The following FMN1 variants were observed in gnomAD, a reference collection of about 807,000 sequenced individuals.
FMN1 encodes formin 1.
FMN1 carries 110 observed loss-of-function variants against 132.4 expected under a neutral mutation model. The ratio of observed to expected loss-of-function variants is 0.83; its 90% CI spans 0.71 to 0.97. The LOEUF is 0.97. Among genes scored for constraint, FMN1 ranks in the 50% least tolerant of loss-of-function variants. The probability of loss-of-function intolerance (pLI) is 0.00; values close to 1 mark genes in which losing one functional copy is unlikely to be tolerated. For synonymous variants in FMN1, 722 were observed against 651.7 expected (o/e 1.11, Z -1.64); for missense variants, 1,792 against 1,705.3 (o/e 1.05, Z -0.90).
chr15:32,804,437 C>CGGCG (rs2057592201), intron 17 of FMN1, 105 bp from the exon 18 acceptor site: 4 of 23,772 alleles, frequency 1.7e-4, no homozygotes, highest in Admixed American at 5.1e-4. Flanking sequence ...GGTCTGAATT[C>CGGCG]GGGGGGGGGG....
intron 17 of FMN1, among the ~76,000 whole-genome samples, chr15:32,808,375 C>G (rs1057021296): frequency 1.3e-5 from 2 of 152,230 alleles, no homozygotes; most frequent in African/African-American, 4.8e-5. Context: ...ATGATGATAC[C>G]TACCCTCCCA....
intron 10 of FMN1, among the ~76,000 whole-genome samples, chr15:32,922,940 G>T (rs906110039): frequency 6.6e-6 from 1 of 152,220 alleles, no homozygotes; most frequent in Admixed American, 6.5e-5. Context: ...AAAATGGCAG[G>T]TAGAGGCAAA....
At chr15:32,974,688 G>T (rs2032058198) in intron 7 of FMN1, among the ~76,000 whole-genome samples, 1 of 152,172 alleles carries the variant, frequency 6.6e-6, no homozygotes, top group African/African-American at 2.4e-5. Context: ...ATTCCAATGG[G>T]AGCCAGAGGT....
intron 17 of FMN1, among the ~76,000 whole-genome samples, chr15:32,841,276 T>G (rs567601424): frequency 2.0e-5 from 3 of 152,312 alleles, no homozygotes; most frequent in South Asian, 2.1e-4. Flanking sequence ...TCTCAGAGTA[T>G]ATGTAGTGTG....
intron 9 of FMN1, among the ~76,000 whole-genome samples, chr15:32,950,054 C>CATATATATATATACACACATAT (rs1567449834): frequency 1.6e-3 from 8 of 4,916 alleles, no homozygotes; most frequent in Non-Finnish European, 3.2e-3. Context: ...TATATATACA[C>CATATATATATATACACACATAT]ATATATATAT....
At chr15:33,066,744 T>G in intron 5 of FMN1, 1 of 1,613,960 alleles carries the variant, frequency 6.2e-7, no homozygotes, top group Non-Finnish European at 8.5e-7. Context: ...CCAGGGCCGC[T>G]CTGGCTCTCT....
At chr15:33,135,963 C>T (rs1466888036) in intron 4 of FMN1, among the ~76,000 whole-genome samples, 1 of 152,222 alleles carries the variant, frequency 6.6e-6, no homozygotes, top group East Asian at 1.9e-4. Context: ...GTTTTGCCTA[C>T]TGCTCTGTCT....
chr15:32,873,062 G>C (rs749707825), intron 16 of FMN1, among the ~76,000 whole-genome samples: 1 of 152,214 alleles, frequency 6.6e-6, no homozygotes, highest in South Asian at 2.1e-4. Flanking sequence ...CTGCTAATCA[G>C]TTTGCCACTG....
chr15:33,173,729 G>A (rs750129943), intron 3 of FMN1, among the ~76,000 whole-genome samples: 2 of 152,206 alleles, frequency 1.3e-5, no homozygotes, highest in African/African-American at 2.4e-5. Context: ...AGGAGTTCCA[G>A]ATCAGCCTGG....
At chr15:33,048,268 G>C (rs1408080943) in intron 6 of FMN1, among the ~76,000 whole-genome samples, 1 of 151,992 alleles carries the variant, frequency 6.6e-6, no homozygotes, top group African/African-American at 2.4e-5. Flanking sequence ...ATAAGGCCTG[G>C]GGACATGTGG....
chr15:32,911,274 G>A (rs1462895564), intron 10 of FMN1, among the ~76,000 whole-genome samples: 1 of 152,172 alleles, frequency 6.6e-6, no homozygotes, highest in South Asian at 2.1e-4. Context: ...TTTGGCTATC[G>A]AAGTGTTTGA....
intron 6 of FMN1, among the ~76,000 whole-genome samples, chr15:33,053,629 T>TCC: frequency 6.6e-6 from 1 of 152,058 alleles, no homozygotes; most frequent in Non-Finnish European, 1.5e-5. Context: ...CCCACAATAC[T>TCC]CCCCATCTCA....
chr15:32,895,765 GTTCA>G (rs1482011759), intron 15 of FMN1, among the ~76,000 whole-genome samples: 5 of 151,894 alleles, frequency 3.3e-5, no homozygotes, highest in Non-Finnish European at 7.4e-5. Flanking sequence ...TAATTCTCGA[GTTCA>G]TTGTCTATTA....
At chr15:32,853,718 AC>A (rs1202723981) in intron 17 of FMN1, among the ~76,000 whole-genome samples, 1 of 152,146 alleles carries the variant, frequency 6.6e-6, no homozygotes, top group Non-Finnish European at 1.5e-5. Context: ...TTAACCACAA[AC>A]CCTAAACCAT....
chr15:33,188,429 T>C (rs1406295247), intron 2 of FMN1, among the ~76,000 whole-genome samples: 1 of 152,208 alleles, frequency 6.6e-6, no homozygotes, highest in Non-Finnish European at 1.5e-5. Context: ...GTCCATGTCA[T>C]ACCTTTCTAT....
intron 4 of FMN1, among the ~76,000 whole-genome samples, chr15:33,111,969 A>T (rs576712180): frequency 1.3e-5 from 2 of 152,322 alleles, no homozygotes; most frequent in East Asian, 1.9e-4. Flanking sequence ...AGCTGTTTTT[A>T]AAAAGACTCA....
intron 5 of FMN1, among the ~76,000 whole-genome samples, chr15:33,080,207 A>C (rs1176972176): frequency 6.6e-6 from 1 of 152,348 alleles, no homozygotes; most frequent in African/African-American, 2.4e-5. Flanking sequence ...AACAATACAA[A>C]AATGCGGCCC....
intron 6 of FMN1, among the ~76,000 whole-genome samples, chr15:33,022,047 G>A (rs980854781): frequency 1.3e-5 from 2 of 152,170 alleles, no homozygotes; most frequent in Non-Finnish European, 2.9e-5. Context: ...AGGACCTGAG[G>A]ATACTAAAAT....
intron 9 of FMN1, among the ~76,000 whole-genome samples, chr15:32,942,129 G>A (rs938629744): frequency 3.3e-5 from 5 of 152,204 alleles, no homozygotes; most frequent in African/African-American, 1.2e-4. Flanking sequence ...TCACACGTGC[G>A]TACTATTACA....
Sources: allele counts gnomAD v4.1 joint callset (sites outside exome capture counted in the v4.1 genomes callset), GRCh38; gene constraint gnomAD v4.1.1; transcripts MANE v1.5; gene names NCBI Gene and HGNC (gene_info 2026-07-23, HGNC 2026-07-21).